The following TTC6 variants were observed in gnomAD, a reference collection of about 807,000 sequenced individuals.
The protein encoded by TTC6 is tetratricopeptide repeat protein 6.
TTC6 carries 172 observed loss-of-function variants against 210.4 expected under a neutral mutation model. The observed-to-expected ratio is 0.82, with a 90% CI of 0.72 to 0.93. The LOEUF (loss-of-function observed/expected upper bound fraction) is 0.93, where lower values mean the gene tolerates loss of function less well. Ranked by LOEUF, TTC6 falls within the 40% of genes least tolerant of loss-of-function variation. TTC6 has a pLI of 0.00. For synonymous variants in TTC6, 804 were observed against 819.6 expected, an observed-to-expected ratio of 0.98 and a Z score of 0.32; for missense variants, 2,414 against 2,318.1, an observed-to-expected ratio of 1.04 and a Z score of -0.85.
intron 14 of TTC6, among the ~76,000 whole-genome samples, chr14:37,762,914 T>C (rs1164611112): frequency 6.8e-6 from 1 of 147,600 alleles, no homozygotes; most frequent in East Asian, 2.0e-4. Context: ...GGAGTCTGGC[T>C]CTGTTCCCCA....
chr14:37,602,608 A>G (rs2095617823), intron 1 of TTC6, among the ~76,000 whole-genome samples: 1 of 151,792 alleles, frequency 6.6e-6, no homozygotes, highest in African/African-American at 2.4e-5. Context: ...TCCCACCCCC[A>G]CTGTCCCACC....
chr14:37,819,983 A>G (rs2139475172), intron 26 of TTC6, among the ~76,000 whole-genome samples: 1 of 152,316 alleles, frequency 6.6e-6, no homozygotes, highest in African/African-American at 2.4e-5. Context: ...CTCATTTAAC[A>G]TACTTTTACA....
intron 28 of TTC6, 36 bp from the exon 31 acceptor site, chr14:37,827,160 T>A (rs1566977575): frequency 1.3e-6 from 2 of 1,547,918 alleles, no homozygotes; most frequent in Non-Finnish European, 1.8e-6. Context: ...TAAATACTAT[T>A]CCCCAATGTT....
At chr14:37,655,210 T>TCC (rs1288734224) in intron 1 of TTC6, among the ~76,000 whole-genome samples, 1 of 152,146 alleles carries the variant, frequency 6.6e-6, no homozygotes, top group Non-Finnish European at 1.5e-5. Flanking sequence ...ATTATCATAC[T>TCC]CTAAAGATAA....
intron 5 of TTC6, among the ~76,000 whole-genome samples, chr14:37,709,722 A>G (rs1005730112): frequency 6.7e-6 from 1 of 148,690 alleles, no homozygotes; most frequent in South Asian, 2.1e-4. Context: ...AAAATTATAT[A>G]GTTATACACT....
chr14:37,825,006 C>G (rs2096167403), intron 27 of TTC6, among the ~76,000 whole-genome samples: 1 of 152,062 alleles, frequency 6.6e-6, no homozygotes, highest in South Asian at 2.1e-4. Flanking sequence ...GGGTGTATAG[C>G]AACCTGAAAA....
At chr14:37,753,220 A>C (rs1444711699) in exon 14 of TTC6, 43 of 1,531,074 alleles carry the variant, frequency 2.8e-5, no homozygotes, top group Non-Finnish European at 3.4e-5. Context: ...ATAGATCACC[A>C]AAATTCTCAA....
At chr14:37,659,350 G>A (rs1454176783) in intron 1 of TTC6, among the ~76,000 whole-genome samples, 2 of 151,956 alleles carry the variant, frequency 1.3e-5, no homozygotes, top group African/African-American at 4.8e-5. Context: ...GCTCTTTGAG[G>A]AATTGCCACA....
chr14:37,804,962 C>T, intron 21 of TTC6, 148 bp downstream of exon 23: 2 of 711,236 alleles, frequency 2.8e-6, no homozygotes, highest in South Asian at 4.1e-5. Flanking sequence ...ATTCTGCACC[C>T]TGCAACACCT....
At chr14:37,658,676 T>C (rs1418197388) in intron 1 of TTC6, among the ~76,000 whole-genome samples, 1 of 151,910 alleles carries the variant, frequency 6.6e-6, no homozygotes, top group Non-Finnish European at 1.5e-5. Context: ...TTCTACACAA[T>C]CTATGCACAT....
rs939091590 is a variant in TTC6 at position 37,753,216 on chromosome 14, C to G, written c.3247C>G (p.His1083Asp). 3 of 1,530,556 alleles carry G rather than the reference C, an allele frequency of 2.0e-6. No individual in the cohort carries two copies. In the East Asian group the frequency reaches 7.4e-5, roughly 38 times the overall value. The allele number at this position is 1,530,556 out of a possible 1,614,324, so 94.8% of individuals were successfully genotyped here. A position where few individuals can be genotyped will look rare whatever the true frequency, so the allele number is the denominator to read the frequency against. The change falls in exon 14 of 31, where the codon CAC (histidine) becomes GAC (aspartate). Residue 1083 changes from histidine (H) to aspartate (D), a missense_variant. By Grantham distance (81) the His-to-Asp change is moderately conservative. Transcript: ENST00000553443. ...TTTTACAGCCTTGTTAAATATAGAT[C>G]ACCAAAATTCTCAAGCAAGGTAAGA...
chr14:37,790,119 A>C (rs2096076164), intron 15 of TTC6, among the ~76,000 whole-genome samples: 1 of 152,020 alleles, frequency 6.6e-6, no homozygotes, highest in Admixed American at 6.6e-5. Flanking sequence ...AGGGATGTGC[A>C]TCTCGCATCT....
intron 1 of TTC6, among the ~76,000 whole-genome samples, chr14:37,655,036 G>A (rs1481067444): frequency 1.3e-5 from 2 of 152,182 alleles, no homozygotes; most frequent in Non-Finnish European, 2.9e-5. Context: ...GAAATACTGC[G>A]AGGGAGTTAT....
intron 1 of TTC6, among the ~76,000 whole-genome samples, chr14:37,627,625 A>C (rs1023926358): frequency 1.5e-4 from 23 of 152,306 alleles, no homozygotes; most frequent in African/African-American, 4.6e-4. Flanking sequence ...CCTGCAAAGG[A>C]CATGAACTCA....
At chr14:37,773,998 G>A (rs1207229024) in intron 14 of TTC6, among the ~76,000 whole-genome samples, 2 of 152,022 alleles carry the variant, frequency 1.3e-5, no homozygotes, top group African/African-American at 4.8e-5. Context: ...TGTATTCCTA[G>A]GTGTTGTATT....
intron 1 of TTC6, among the ~76,000 whole-genome samples, chr14:37,623,876 G>A (rs1327902794): frequency 6.6e-6 from 1 of 152,052 alleles, no homozygotes; most frequent in East Asian, 1.9e-4. Context: ...GCTGTGGCAG[G>A]GACATTGACA....
intron 1 of TTC6, among the ~76,000 whole-genome samples, chr14:37,673,615 A>G (rs928708200): frequency 3.9e-5 from 6 of 152,142 alleles, no homozygotes; most frequent in African/African-American, 1.4e-4. Flanking sequence ...GGCCACAGGA[A>G]CACTGCGGCT....
intron 1 of TTC6, among the ~76,000 whole-genome samples, chr14:37,637,629 G>C (rs1266276714): frequency 1.3e-5 from 2 of 151,946 alleles, no homozygotes; most frequent in Non-Finnish European, 2.9e-5. Flanking sequence ...AGTGAGACCG[G>C]GTCCTGAGGA....
intron 29 of TTC6, among the ~76,000 whole-genome samples, chr14:37,835,291 T>C (rs192572421): frequency 6.6e-6 from 1 of 152,296 alleles, no homozygotes; most frequent in East Asian, 1.9e-4. Context: ...TTCCTGGTGA[T>C]TTTTTTAATT....
Sources: gnomAD v4.1 joint callset for allele counts (sites outside exome capture counted in the v4.1 genomes callset) on GRCh38, gnomAD v4.1.1 for gene constraint, MANE v1.5 for transcripts, NCBI Gene and HGNC (gene_info 2026-07-23, HGNC 2026-07-21) for gene names.